Variants in SYTL5 observed in about 807,000 individuals in gnomAD.
The protein encoded by SYTL5 is synaptotagmin-like protein 5.
A neutral mutation model predicts 55.9 loss-of-function variants in SYTL5; 34 were observed. The ratio of observed to expected loss-of-function variants is 0.61; its 90% confidence interval spans 0.46 to 0.81. SYTL5 has a LOEUF of 0.81. SYTL5 is among the 30% of genes least tolerant of loss of function. The pLI is 0.00. For synonymous variants in SYTL5, 221 were observed against 188.7 expected, an observed-to-expected ratio of 1.17 and a Z score of -1.40; for missense variants, 637 against 546.7, an observed-to-expected ratio of 1.17 and a Z score of -1.65.
chrX:38,016,133 A>G (rs1934347625), intron 1 of SYTL5, among the ~76,000 whole-genome samples: 1 of 111,925 alleles, frequency 8.9e-6, no homozygotes, highest in African/African-American at 3.2e-5. Flanking sequence ...GATCTATGCT[A>G]TGAAATAACT....
At chrX:37,923,464 C>A in the SYTL5 span, among the ~76,000 whole-genome samples, 1 of 110,524 alleles carries the variant, frequency 9.0e-6, no homozygotes, top group Non-Finnish European at 1.9e-5. Flanking sequence ...TTTTGATCCT[C>A]TAGTCCAGTG....
the SYTL5 span, among the ~76,000 whole-genome samples, chrX:37,992,065 G>A: frequency 1.8e-5 from 2 of 112,045 alleles, no homozygotes; most frequent in Non-Finnish European, 3.8e-5. Flanking sequence ...TTTAAAACAC[G>A]ATTAACAATT....
chrX:38,101,691 AT>A (rs1937089788), intron 9 of SYTL5, among the ~76,000 whole-genome samples: 1 of 109,655 alleles, frequency 9.1e-6, no homozygotes, highest in Non-Finnish European at 1.9e-5. Flanking sequence ...GTATATATAT[AT>A]GTGATGATAT....
the SYTL5 span, among the ~76,000 whole-genome samples, chrX:37,920,583 A>G: frequency 1.8e-5 from 2 of 111,359 alleles, no homozygotes; most frequent in African/African-American, 6.5e-5. Flanking sequence ...TGAGATCAAG[A>G]TAAAACTTAG....
At chrX:38,101,584 AAAAAG>A (rs1937084914) in intron 9 of SYTL5, among the ~76,000 whole-genome samples, 1 of 110,491 alleles carries the variant, frequency 9.1e-6, no homozygotes, top group South Asian at 3.8e-4. Context: ...AGGAGAAGCA[AAAAAG>A]AAAAGTGCCC....
chrX:37,910,925 C>A, the SYTL5 span, among the ~76,000 whole-genome samples: 1 of 107,276 alleles, frequency 9.3e-6, no homozygotes, highest in African/African-American at 3.4e-5. Flanking sequence ...TTACATACAT[C>A]ATTGTATGTG....
At chrX:37,964,520 T>A in the SYTL5 span, among the ~76,000 whole-genome samples, 1 of 111,468 alleles carries the variant, frequency 9.0e-6, no homozygotes, top group South Asian at 3.7e-4. Context: ...GATTTTTGCA[T>A]CTATATTCTT....
intron 10 of SYTL5, among the ~76,000 whole-genome samples, chrX:38,102,697 C>A (rs1261267821): frequency 2.7e-5 from 3 of 111,110 alleles, no homozygotes; most frequent in African/African-American, 9.8e-5. Context: ...CAGGCTCAGT[C>A]AGCTCAAGCC....
chrX:37,968,883 A>G, the SYTL5 span, among the ~76,000 whole-genome samples: 1 of 112,181 alleles, frequency 8.9e-6, no homozygotes, highest in Non-Finnish European at 1.9e-5. Context: ...GGTTATTTTT[A>G]CAATCCACTA....
chrX:38,017,751 A>G (rs1249717874), intron 1 of SYTL5, among the ~76,000 whole-genome samples: 1 of 108,132 alleles, frequency 9.2e-6, no homozygotes, highest in East Asian at 2.9e-4. Flanking sequence ...GTCTGGAGAT[A>G]TTTTTGACAA....
chrX:38,019,878 G>A (rs1332479990), intron 1 of SYTL5, among the ~76,000 whole-genome samples: 3 of 111,188 alleles, frequency 2.7e-5, no homozygotes, highest in Non-Finnish European at 5.7e-5. Flanking sequence ...CAGGTGATCC[G>A]CCCGCTTCGG....
At chrX:37,978,107 AAATAACC>A in the SYTL5 span, among the ~76,000 whole-genome samples, 8 of 111,964 alleles carry the variant, frequency 7.1e-5, no homozygotes, top group Non-Finnish European at 1.1e-4. Context: ...AATAGTGAGA[AAATAACC>A]TGGAAAAGGA....
chrX:38,104,629 T>G (rs1246279113), intron 10 of SYTL5, among the ~76,000 whole-genome samples: 1 of 111,644 alleles, frequency 9.0e-6, no homozygotes, highest in Non-Finnish European at 1.9e-5. Flanking sequence ...TTCCAGAAAT[T>G]GGTGGAACAT....
At chrX:37,909,650 G>A in the SYTL5 span, among the ~76,000 whole-genome samples, 2 of 109,039 alleles carry the variant, frequency 1.8e-5, no homozygotes, top group Non-Finnish European at 3.8e-5. Context: ...TACCTGGGGA[G>A]GTTTTTTTGT....
intron 2 of SYTL5, among the ~76,000 whole-genome samples, chrX:38,039,794 C>CT (rs1935224063): frequency 8.9e-6 from 1 of 112,067 alleles, no homozygotes; most frequent in African/African-American, 3.2e-5. Context: ...TTTCTCCTTT[C>CT]TTTCTATCCA....
At chrX:38,009,055 T>C (rs1160894126) in intron 1 of SYTL5, among the ~76,000 whole-genome samples, 1 of 112,009 alleles carries the variant, frequency 8.9e-6, no homozygotes, top group African/African-American at 3.2e-5. Context: ...ACACACATGA[T>C]CAATTCCTAC....
At chrX:37,908,136 C>T in the SYTL5 span, among the ~76,000 whole-genome samples, 1 of 98,209 alleles carries the variant, frequency 1.0e-5, no homozygotes, top group Non-Finnish European at 2.1e-5. Context: ...AAAAAAAAAA[C>T]AAAGAAAATA....
chrX:38,061,080 A>G (rs1403269324), intron 3 of SYTL5, among the ~76,000 whole-genome samples: 1 of 112,000 alleles, frequency 8.9e-6, no homozygotes, highest in Non-Finnish European at 1.9e-5. Flanking sequence ...TTTATTCATA[A>G]ATTTCTGTCT....
At chrX:38,026,908 A>G (rs1365862437) in intron 1 of SYTL5, among the ~76,000 whole-genome samples, 1 of 112,312 alleles carries the variant, frequency 8.9e-6, no homozygotes, top group Non-Finnish European at 1.9e-5. Context: ...CTCCTATTTA[A>G]GATGGCATTG....
Sources: allele counts gnomAD v4.1 joint callset (sites outside exome capture counted in the v4.1 genomes callset), GRCh38; gene constraint gnomAD v4.1.1; transcripts MANE v1.5; gene names NCBI Gene and HGNC (gene_info 2026-07-23, HGNC 2026-07-21).